MSH3: variants seen among roughly 807,000 people sequenced by gnomAD.
MSH3 encodes the protein DNA mismatch repair protein Msh3.
MSH3 carries 106 observed loss-of-function variants against 123.3 expected under a neutral mutation model. That is an observed-to-expected ratio of 0.86 (90% confidence interval 0.73 to 1.01). The LOEUF (loss-of-function observed/expected upper bound fraction) is 1.01, where lower values mean the gene tolerates loss of function less well. MSH3 is among the 50% of genes least tolerant of loss of function. The pLI, the probability that MSH3 is intolerant of heterozygous loss-of-function variation, is 0.00. For synonymous variants in MSH3, 515 were observed against 481.4 expected (o/e 1.07, Z -0.91); for missense variants, 1,459 against 1,347.6 (o/e 1.08, Z -1.29).
In MSH3 at chr5:80,740,680, A is replaced by G. The variant is rs372713027; in HGVS notation, c.1569-784A>G. ...TGGCCGCATGTGTGTTGTTAATTAC[A>G]GAGTAAATAACACTTGTTGCATATG... is the stretch of plus-strand genomic sequence containing the variant. On this transcript the variant is annotated intron_variant, in intron 10 of 23. Transcript: ENST00000265081. 4.7e-5 allele frequency among the ~76,000 whole-genome samples: 7 copies of G among 149,448 alleles called. 1 individual carries two copies. Among genetic ancestry groups the G allele is most frequent in the African/African-American group, 1.7e-4 (7 of 40,674 alleles).
Position 80,768,128 on chromosome 5 carries a change from C to T in MSH3, c.2084+8C>T. 6.2e-7 allele frequency: 1 copy of T among 1,611,466 alleles called. No individual in the cohort carries two copies. Among genetic ancestry groups the T allele is most frequent in the Non-Finnish European group, 8.5e-7 (1 of 1,177,716 alleles). ...CAATGAACAAGCTGCCAAGTAAGTA[C>T]CAGACCCTGAATTCTTCCTTTTCAC... On this transcript the variant is annotated splice_region_variant and intron_variant, in intron 14 of 23. Transcript: ENST00000265081.
At chr5:80,848,819 C>T (rs902261333) in intron 20 of MSH3, among the ~76,000 whole-genome samples, 3 of 152,130 alleles carry the variant, frequency 2.0e-5, no homozygotes, top group African/African-American at 7.2e-5. Context: ...TATTCCACCC[C>T]TGGCCCCTCC....
At chr5:80,660,555 A>G (rs932459734) in intron 2 of MSH3, among the ~76,000 whole-genome samples, 2 of 152,238 alleles carry the variant, frequency 1.3e-5, no homozygotes, top group Non-Finnish European at 2.9e-5. Flanking sequence ...AAAGGAAGTC[A>G]TGGTAAACAA....
At chr5:80,802,721 CT>C (rs995764954) in intron 19 of MSH3, among the ~76,000 whole-genome samples, 2 of 152,146 alleles carry the variant, frequency 1.3e-5, no homozygotes, top group African/African-American at 2.4e-5. Context: ...TTCTTCACCC[CT>C]ACTACCCTTC....
intron 19 of MSH3, among the ~76,000 whole-genome samples, chr5:80,794,884 C>G (rs1744670800): frequency 6.6e-6 from 1 of 152,238 alleles, no homozygotes; most frequent in African/African-American, 2.4e-5. Flanking sequence ...GAACCCTGAA[C>G]CCTGAGGTAC....
intron 8 of MSH3, among the ~76,000 whole-genome samples, chr5:80,687,924 G>A (rs1750129669): frequency 6.6e-6 from 1 of 152,142 alleles, no homozygotes; most frequent in Admixed American, 6.6e-5. Context: ...AATGCCAATA[G>A]TTGGGAATAG....
intron 20 of MSH3, among the ~76,000 whole-genome samples, chr5:80,844,516 A>G (rs1489019685): frequency 6.6e-6 from 1 of 152,106 alleles, no homozygotes; most frequent in East Asian, 1.9e-4. Flanking sequence ...ATCTCCCATT[A>G]TTATTGTGTG....
chr5:80,666,707 T>C (rs914726564), intron 3 of MSH3, among the ~76,000 whole-genome samples: 3 of 152,196 alleles, frequency 2.0e-5, no homozygotes, highest in Non-Finnish European at 4.4e-5. Flanking sequence ...AGGGGGCACG[T>C]AGAAGCAGTG....
At chr5:80,678,874 A>G in intron 7 of MSH3, 53 bp from the exon 8 acceptor site, 3 of 1,596,616 alleles carry the variant, frequency 1.9e-6, no homozygotes, top group Non-Finnish European at 2.6e-6. Flanking sequence ...TGTTATAGCC[A>G]TAACTGGGGA....
intron 12 of MSH3, among the ~76,000 whole-genome samples, chr5:80,759,297 A>T (rs989786412): frequency 2.6e-5 from 4 of 152,204 alleles, no homozygotes; most frequent in Non-Finnish European, 5.9e-5. Flanking sequence ...ATGGGAAATG[A>T]TAGTAAAGGG....
At chr5:80,752,044 CTT>C (rs1349890740) in intron 12 of MSH3, among the ~76,000 whole-genome samples, 1 of 152,004 alleles carries the variant, frequency 6.6e-6, no homozygotes, top group Admixed American at 6.6e-5. Flanking sequence ...AAGTTATTCT[CTT>C]ATCTTTGACA....
intron 18 of MSH3, among the ~76,000 whole-genome samples, chr5:80,790,326 CTTAAA>C: frequency 6.6e-6 from 1 of 152,228 alleles, no homozygotes; most frequent in East Asian, 1.9e-4. Flanking sequence ...ATTTCAGTTT[CTTAAA>C]GGCCATCTAA....
chr5:80,811,199 A>G (rs1356941619), intron 19 of MSH3, among the ~76,000 whole-genome samples: 1 of 152,118 alleles, frequency 6.6e-6, no homozygotes, highest in Non-Finnish European at 1.5e-5. Context: ...TGGGAGCACA[A>G]TCATGACATA....
In MSH3 at chr5:80,654,856, A is replaced by G. The variant is rs141080879; in HGVS notation, c.129A>G (p.Ala43=). ...AATCCACCTCCTCCTCCACAGGTGC[A>G]GCCGACCAGGTGGACCCTGGCGCTG... ...SLKSTSSSTG[A]ADQVDPGAAA... The change falls in exon 1 of 24, where the codon GCA becomes GCG. Residue 43 remains alanine (A), a synonymous_variant. Transcript: ENST00000265081. The G allele has an allele frequency of 1.2e-3, 1,989 of 1,599,868 alleles. 41 individuals are homozygous for G. The Admixed American group carries it at 0.028, about 22-fold the overall frequency.
chr5:80,661,668 G>C (rs998074879), intron 2 of MSH3, among the ~76,000 whole-genome samples: 1 of 152,052 alleles, frequency 6.6e-6, no homozygotes, highest in Non-Finnish European at 1.5e-5. Flanking sequence ...CATCATATCT[G>C]TCATTTCTGG....
At chr5:80,696,658 A>G (rs1482071760) in intron 8 of MSH3, among the ~76,000 whole-genome samples, 2 of 152,104 alleles carry the variant, frequency 1.3e-5, no homozygotes, top group East Asian at 3.9e-4. Flanking sequence ...TTGACATGTA[A>G]TATGCAGGGA....
intron 16 of MSH3, 28 bp from the exon 17 acceptor site, chr5:80,778,692 C>G: frequency 7.7e-7 from 1 of 1,291,504 alleles, no homozygotes; most frequent in East Asian, 2.3e-5. Flanking sequence ...ACCTTGATTT[C>G]CTATTTGTGT....
intron 13 of MSH3, among the ~76,000 whole-genome samples, chr5:80,763,423 T>C (rs138505172): frequency 3.3e-5 from 5 of 152,328 alleles, no homozygotes; most frequent in Non-Finnish European, 7.4e-5. Flanking sequence ...CACCATGTTA[T>C]TGTTTTGCTG....
intron 20 of MSH3, among the ~76,000 whole-genome samples, chr5:80,824,455 C>T (rs1362116686): frequency 6.6e-6 from 1 of 152,142 alleles, no homozygotes; most frequent in East Asian, 1.9e-4. Flanking sequence ...CCCCCACCTC[C>T]CTCCCAGAAA....
Sources: gnomAD v4.1 joint callset for allele counts (sites outside exome capture counted in the v4.1 genomes callset) on GRCh38, gnomAD v4.1.1 for gene constraint, MANE v1.5 for transcripts, NCBI Gene and HGNC (gene_info 2026-07-23, HGNC 2026-07-21) for gene names.